The following REV1 variants were observed in gnomAD, a reference collection of about 807,000 sequenced individuals.
REV1 encodes the protein translesion synthesis protein REV1.
REV1 carries 42 observed loss-of-function variants against 137.4 expected under a neutral mutation model. The ratio of observed to expected loss-of-function variants is 0.31; its 90% CI spans 0.24 to 0.40. REV1 has a LOEUF of 0.40. Among genes scored for constraint, REV1 ranks in the 10% least tolerant of loss-of-function variants. The pLI, the probability that REV1 is intolerant of heterozygous loss-of-function variation, is 1.00. For missense variants in REV1, 1,282 were observed against 1,490.1 expected (o/e 0.86, Z 2.30); for synonymous variants, 524 against 519.2 (o/e 1.01, Z -0.12).
intron 9 of REV1, chr2:99,424,558 ACC>A (rs138801945): frequency 2.0e-5 from 9 of 444,306 alleles, no homozygotes; most frequent in Non-Finnish European, 3.5e-5. Flanking sequence ...TAAAACTCAT[ACC>A]TCTGGCCCCT....
chr2:99,463,024 G>A (rs1481810401), intron 2 of REV1, among the ~76,000 whole-genome samples: 1 of 151,986 alleles, frequency 6.6e-6, no homozygotes, highest in Non-Finnish European at 1.5e-5. Flanking sequence ...GGAGGTGGAG[G>A]TTGCAGTGAG....
chr2:99,429,591 T>A (rs1679847699), intron 9 of REV1, among the ~76,000 whole-genome samples: 1 of 152,034 alleles, frequency 6.6e-6, no homozygotes, highest in Non-Finnish European at 1.5e-5. Context: ...AAAACGATGA[T>A]CCCCAATTTC....
chr2:99,445,755 A>G (rs1429608800), intron 4 of REV1, among the ~76,000 whole-genome samples: 3 of 152,196 alleles, frequency 2.0e-5, no homozygotes, highest in African/African-American at 7.2e-5. Context: ...TTTAATGTAC[A>G]CAGGCTCCTC....
chr2:99,433,299 A>G (rs756671512), intron 8 of REV1, among the ~76,000 whole-genome samples: 4 of 152,226 alleles, frequency 2.6e-5, no homozygotes, highest in Non-Finnish European at 4.4e-5. Flanking sequence ...CATGACACAC[A>G]AAATTCTAGA....
chr2:99,415,386 T>C (rs1248936963), intron 12 of REV1, among the ~76,000 whole-genome samples: 1 of 152,208 alleles, frequency 6.6e-6, no homozygotes, highest in African/African-American at 2.4e-5. Flanking sequence ...CATCTGTCCT[T>C]GAAGGGGAAC....
chr2:99,403,962 TA>T, intron 18 of REV1, 147 bp from the exon 19 acceptor site: 1 of 975,678 alleles, frequency 1.0e-6, no homozygotes, highest in Non-Finnish European at 1.5e-6. Context: ...CAAAGCTGAT[TA>T]AATCTTCAAA....
rs869170472 is a variant in REV1, at chr2:99,407,080, C to CTTTTTTTTTTTTTTTTTTTTTT, written c.2449-612_2449-591dup. ...ACATAAAACTAAACCTACAAAGGTT[C>CTTTTTTTTTTTTTTTTTTTTTT]TTTTTTTTTTTTTTTTTTTTTTTTT... On this transcript the variant is annotated intron_variant, in intron 15 of 22. Transcript: ENST00000258428. Among the ~76,000 whole-genome samples, 18 of 60,046 alleles carry CTTTTTTTTTTTTTTTTTTTTTT rather than the reference C, an allele frequency of 3.0e-4. 3 individuals are homozygous for CTTTTTTTTTTTTTTTTTTTTTT. The highest frequency in any genetic ancestry group is 6.3e-4 in the Admixed American group (2 of 3,158). The allele number at this position is 60,046 out of a possible 152,430, so 39.4% of individuals were successfully genotyped here. A position where few individuals can be genotyped will look rare whatever the true frequency, so the allele number is the denominator to read the frequency against.
At chr2:99,442,237 A>G (rs1030376656) in intron 5 of REV1, 80 bp downstream of exon 5, 2 of 1,349,990 alleles carry the variant, frequency 1.5e-6, no homozygotes, top group South Asian at 2.9e-5. Context: ...CGGCAACAAG[A>G]GCAAAACTCC....
chr2:99,418,022 AAACT>A (rs1198628593), intron 12 of REV1, among the ~76,000 whole-genome samples: 1 of 152,234 alleles, frequency 6.6e-6, no homozygotes, highest in African/African-American at 2.4e-5. Context: ...GGAAGCTTTA[AAACT>A]AACCTACCAT....
intron 11 of REV1, among the ~76,000 whole-genome samples, chr2:99,420,026 C>G (rs1678454596): frequency 1.3e-5 from 2 of 152,060 alleles, no homozygotes; most frequent in Admixed American, 1.3e-4. Flanking sequence ...TATGCTTGAA[C>G]TTAAAAGAAT....
intron 6 of REV1, among the ~76,000 whole-genome samples, chr2:99,437,475 A>G (rs1319180283): frequency 6.6e-6 from 1 of 152,208 alleles, no homozygotes; most frequent in Non-Finnish European, 1.5e-5. Flanking sequence ...CTTCCTTACT[A>G]CCCTCTATAT....
chr2:99,412,353 T>C (rs1296402368), intron 13 of REV1, among the ~76,000 whole-genome samples: 1 of 151,954 alleles, frequency 6.6e-6, no homozygotes, highest in African/African-American at 2.4e-5. Flanking sequence ...TTCCAAAAGC[T>C]TGCATAAGGA....
At chr2:99,457,128 G>A (rs971560260) in intron 3 of REV1, among the ~76,000 whole-genome samples, 9 of 152,058 alleles carry the variant, frequency 5.9e-5, no homozygotes, top group African/African-American at 2.2e-4. Flanking sequence ...GATGTCTAAG[G>A]CTTAGAGATT....
At chr2:99,409,083 T>C (rs1286255253) in intron 14 of REV1, among the ~76,000 whole-genome samples, 3 of 152,186 alleles carry the variant, frequency 2.0e-5, no homozygotes, top group Admixed American at 2.0e-4. Flanking sequence ...AAGGCCAGCC[T>C]GGGCAACAGA....
rs1675229583 is a variant in REV1, at chr2:99,400,546, G to GA, written c.*694dup. 1 of 152,004 alleles carries GA rather than the reference G, an allele frequency of 6.6e-6. No individual in the cohort carries two copies. Among genetic ancestry groups the GA allele is most frequent in the Non-Finnish European group, 1.5e-5 (1 of 68,008 alleles). The allele number at this position is 152,004 out of a possible 1,614,324, so 9.4% of individuals were successfully genotyped here. On this transcript the variant is annotated 3_prime_UTR_variant, in exon 23 of 23. Transcript: ENST00000258428. ...ACATAAAAATATTTTATATACGTTT[G>GA]AAAAATCTATACCGTTCTTTTTTAT... is the stretch of plus-strand genomic sequence containing the variant.
intron 17 of REV1, chr2:99,405,612 C>T: frequency 4.3e-6 from 1 of 235,224 alleles, no homozygotes; most frequent in South Asian, 1.5e-4. Flanking sequence ...TTGCTGAATA[C>T]AGTAAGTCTG....
chr2:99,456,499 A>G (rs1454995088), intron 3 of REV1, among the ~76,000 whole-genome samples: 1 of 152,216 alleles, frequency 6.6e-6, no homozygotes, highest in African/African-American at 2.4e-5. Flanking sequence ...GTAACATTTG[A>G]GCAGAGATCT....
At chr2:99,418,316 T>C (rs1042775673) in intron 12 of REV1, among the ~76,000 whole-genome samples, 4 of 152,204 alleles carry the variant, frequency 2.6e-5, no homozygotes, top group Admixed American at 6.5e-5. Context: ...TTTTTTTCCA[T>C]GAGTGGAGTT....
intron 11 of REV1, 149 bp downstream of exon 11, chr2:99,421,350 T>C (rs572498821): frequency 3.5e-6 from 2 of 566,612 alleles, no homozygotes; most frequent in Admixed American, 6.7e-5. Context: ...TTTCCAGCAC[T>C]TATCTCGTGT....
Sources: gnomAD v4.1 joint callset for allele counts (sites outside exome capture counted in the v4.1 genomes callset) on GRCh38, gnomAD v4.1.1 for gene constraint, MANE v1.5 for transcripts, NCBI Gene and HGNC (gene_info 2026-07-23, HGNC 2026-07-21) for gene names.